C12orf42: variants seen among roughly 807,000 people sequenced by gnomAD.
The protein encoded by C12orf42 is uncharacterized protein C12orf42.
A neutral mutation model predicts 21.6 loss-of-function variants in C12orf42; 25 were observed. That is an observed-to-expected ratio of 1.16 (90% CI 0.84 to 1.62). C12orf42 has a LOEUF of 1.62. C12orf42 is among the 40% of genes most tolerant of loss of function. The probability of loss-of-function intolerance (pLI) is 0.00; values close to 1 mark genes in which losing one functional copy is unlikely to be tolerated. For synonymous variants in C12orf42, 174 were observed against 175.0 expected (o/e 0.99, Z 0.05); for missense variants, 483 against 459.3 (o/e 1.05, Z -0.47).
chr12:103,353,934 A>C (rs1450947737), intron 4 of C12orf42, among the ~76,000 whole-genome samples: 4 of 152,178 alleles, frequency 2.6e-5, no homozygotes, highest in African/African-American at 9.6e-5. Flanking sequence ...AGAAAGAGAA[A>C]GAAATCTTCA....
chr12:103,530,167 T>A, the C12orf42 span, among the ~76,000 whole-genome samples: 1 of 152,202 alleles, frequency 6.6e-6, no homozygotes, highest in Admixed American at 6.5e-5. Context: ...TAGAGATTCC[T>A]CTGAAAAGAG....
intron 4 of C12orf42, among the ~76,000 whole-genome samples, chr12:103,344,026 C>G (rs1056783539): frequency 6.6e-6 from 1 of 152,154 alleles, no homozygotes; most frequent in African/African-American, 2.4e-5. Flanking sequence ...TCTTTTTCAT[C>G]TTCCAATCCA....
At chr12:103,060,220 A>G in the C12orf42 span, among the ~76,000 whole-genome samples, 1 of 152,196 alleles carries the variant, frequency 6.6e-6, no homozygotes, top group Non-Finnish European at 1.5e-5. Context: ...GTGAACTCCT[A>G]TTCACAATTG....
chr12:103,326,041 T>A (rs145072679), intron 4 of C12orf42, among the ~76,000 whole-genome samples: 105 of 152,342 alleles, frequency 6.9e-4, no homozygotes, highest in African/African-American at 2.5e-3. Context: ...TAGTTCAAAC[T>A]ATTTTACTTG....
the C12orf42 span, chr12:103,558,170 C>A: frequency 6.6e-6 from 1 of 152,260 alleles, no homozygotes; most frequent in African/African-American, 2.4e-5. Context: ...TCACCAAATC[C>A]TCCTGACTGG....
chr12:103,262,743 G>A (rs748640849), intron 10 of C12orf42, among the ~76,000 whole-genome samples: 16 of 152,118 alleles, frequency 1.1e-4, no homozygotes, highest in Non-Finnish European at 1.9e-4. Context: ...AAGACAGTGT[G>A]GCGATTCATC....
At chr12:103,222,154 T>A in the C12orf42 span, among the ~76,000 whole-genome samples, 2 of 152,312 alleles carry the variant, frequency 1.3e-5, no homozygotes, top group East Asian at 3.9e-4. Flanking sequence ...AAACACGCTT[T>A]GTGTGAGCAA....
intron 4 of C12orf42, among the ~76,000 whole-genome samples, chr12:103,357,299 T>G (rs1424080914): frequency 2.0e-5 from 3 of 151,128 alleles, no homozygotes; most frequent in Non-Finnish European, 4.4e-5. Flanking sequence ...AGTATAATAA[T>G]AATAAAATAA....
chr12:103,259,915 G>A (rs562870353), intron 10 of C12orf42, among the ~76,000 whole-genome samples: 1 of 152,200 alleles, frequency 6.6e-6, no homozygotes, highest in African/African-American at 2.4e-5. Context: ...TTCCAGTTTA[G>A]AACAGTTAAA....
chr12:103,486,696 T>C lies in C12orf42; in HGVS notation c.-21-8249A>G, dbSNP rs540269091. On this transcript the variant is annotated intron_variant, in intron 1 of 5. Transcript: ENST00000548883. ...TTCCTGGTTTAGTCTTGGGAGGGTGTATATGTCCAGGAATTTATCCATTTC... is the reference window on the plus strand; with the variant it reads ...TTCCTGGTTTAGTCTTGGGAGGGTGCATATGTCCAGGAATTTATCCATTTC... Among the ~76,000 whole-genome samples the C allele has an allele frequency of 1.6e-4, 24 of 152,330 alleles. 1 individual carries two copies. The highest frequency in any genetic ancestry group is 5.8e-4 in the African/African-American group (24 of 41,562).
intron 4 of C12orf42, among the ~76,000 whole-genome samples, chr12:103,316,559 T>C (rs988868403): frequency 9.2e-5 from 14 of 152,148 alleles, no homozygotes; most frequent in Admixed American, 2.6e-4. Context: ...TGTCTCATTC[T>C]TGATTGATCT....
chr12:103,053,683 T>A, the C12orf42 span, among the ~76,000 whole-genome samples: 1 of 152,012 alleles, frequency 6.6e-6, no homozygotes, highest in Non-Finnish European at 1.5e-5. Context: ...TCTCAAATCC[T>A]GAAGATTTTC....
intron 4 of C12orf42, among the ~76,000 whole-genome samples, chr12:103,312,339 G>T (rs1339018131): frequency 6.6e-6 from 1 of 152,188 alleles, no homozygotes; most frequent in Non-Finnish European, 1.5e-5. Context: ...GATGCAAGTG[G>T]TCATGGTGCT....
At chr12:103,317,596 T>C (rs1233898873) in intron 4 of C12orf42, among the ~76,000 whole-genome samples, 1 of 152,212 alleles carries the variant, frequency 6.6e-6, no homozygotes, top group Non-Finnish European at 1.5e-5. Flanking sequence ...CATTGATTCA[T>C]TGAATGAATG....
upstream of C12orf42, among the ~76,000 whole-genome samples, chr12:103,499,409 G>A (rs985174590): frequency 6.6e-6 from 1 of 152,168 alleles, no homozygotes; most frequent in African/African-American, 2.4e-5. Context: ...CACCAAATCT[G>A]GGGAAAATGT....
chr12:103,446,608 C>T, intron 2 of C12orf42, among the ~76,000 whole-genome samples: 1 of 151,912 alleles, frequency 6.6e-6, no homozygotes, highest in East Asian at 1.9e-4. Flanking sequence ...CTGCTGTCTT[C>T]AGGAGACTCA....
the C12orf42 span, among the ~76,000 whole-genome samples, chr12:103,180,615 CTTTTTTTTTTTTTTT>C: frequency 6.4e-3 from 398 of 62,006 alleles, 3 homozygotes; most frequent in African/African-American, 0.027. Flanking sequence ...AAATAATTTC[CTTTTTTTTTTTTTTT>C]TTTTTTTTTT....
intron 2 of C12orf42, among the ~76,000 whole-genome samples, chr12:103,413,977 A>C (rs1230919952): frequency 6.6e-6 from 1 of 152,050 alleles, no homozygotes; most frequent in Non-Finnish European, 1.5e-5. Context: ...TGCATGTGAA[A>C]ATGTGATTTT....
chr12:103,394,746 G>A (rs1202084327), intron 3 of C12orf42, among the ~76,000 whole-genome samples: 6 of 152,134 alleles, frequency 3.9e-5, no homozygotes, highest in Middle Eastern at 6.3e-3. Context: ...GTACAGATGG[G>A]GTCGCTTTCC....
Sources: gnomAD v4.1 joint callset for allele counts (sites outside exome capture counted in the v4.1 genomes callset) on GRCh38, gnomAD v4.1.1 for gene constraint, MANE v1.5 for transcripts, NCBI Gene and HGNC (gene_info 2026-07-23, HGNC 2026-07-21) for gene names.